Variants in RARB observed in about 807,000 individuals in gnomAD.
The protein encoded by RARB is HBV-activated protein.
Under a neutral mutation model 51.9 loss-of-function variants are expected in RARB, and 17 were observed. The observed-to-expected ratio is 0.33, with a 90% CI of 0.22 to 0.49. The LOEUF (loss-of-function observed/expected upper bound fraction) is 0.49, where lower values mean the gene tolerates loss of function less well. Among genes scored for constraint, RARB ranks in the 20% least tolerant of loss-of-function variants. The probability of loss-of-function intolerance (pLI) is 0.99; values close to 1 mark genes in which losing one functional copy is unlikely to be tolerated. For missense variants in RARB, 369 were observed against 550.8 expected, an observed-to-expected ratio of 0.67 and a Z score of 3.30; for synonymous variants, 215 against 195.4, an observed-to-expected ratio of 1.10 and a Z score of -0.84.
chr3:25,189,585 T>G (rs1032882719), intron 5 of RARB, among the ~76,000 whole-genome samples: 7 of 151,754 alleles, frequency 4.6e-5, no homozygotes, highest in Non-Finnish European at 7.4e-5. Flanking sequence ...GACCCTGGAG[T>G]CAGAAAATCC....
At chr3:25,452,797 G>A (rs1559409913) in intron 1 of RARB, among the ~76,000 whole-genome samples, 1 of 152,138 alleles carries the variant, frequency 6.6e-6, no homozygotes, top group African/African-American at 2.4e-5. Flanking sequence ...ATGGTATGGG[G>A]GAAGGAGTAA....
intron 5 of RARB, among the ~76,000 whole-genome samples, chr3:25,339,879 C>A (rs1705178514): frequency 1.3e-5 from 2 of 152,122 alleles, no homozygotes; most frequent in Non-Finnish European, 2.9e-5. Flanking sequence ...CACAAAACTG[C>A]ATAAAACTTG....
At chr3:25,242,062 G>C (rs1310193546) in intron 5 of RARB, among the ~76,000 whole-genome samples, 1 of 152,204 alleles carries the variant, frequency 6.6e-6, no homozygotes, top group African/African-American at 2.4e-5. Context: ...CTAATGACCA[G>C]TGGATGAGCT....
intron 5 of RARB, among the ~76,000 whole-genome samples, chr3:25,399,971 C>T (rs771311138): frequency 3.1e-4 from 47 of 152,066 alleles, no homozygotes; most frequent in Non-Finnish European, 5.3e-4. Flanking sequence ...ACTTGCAAAA[C>T]GGGGATAAGA....
chr3:24,894,051 T>C (rs544686248), intron 2 of RARB, among the ~76,000 whole-genome samples: 60 of 152,322 alleles, frequency 3.9e-4, no homozygotes, highest in Admixed American at 1.8e-3. Flanking sequence ...ATTCAAATGA[T>C]TAGAAATTAT....
At position 25,111,962 on chromosome 3, in the gene RARB, C is replaced by CCT. The variant is rs570891028; in HGVS notation, c.-327-20198_-327-20197insTC. Among the ~76,000 whole-genome samples, 31 of 152,252 alleles carry CCT rather than the reference C, an allele frequency of 2.0e-4. No individual in the cohort carries two copies. In the South Asian group the frequency reaches 5.6e-3, roughly 27 times the overall value. On this transcript the variant is annotated intron_variant, in intron 3 of 11. Coordinates refer to the RARB transcript ENST00000383772. ...TGTTTTGAAGACATGCTTTGGAATG[C>CCT]CACATACACACCAACATCAATGTTT...
rs191767233 is a variant in RARB at position 25,450,379 on chromosome 3, T to C, written c.158-10814T>C. On this transcript the variant is annotated intron_variant, in intron 1 of 7. Coordinates refer to ENST00000330688, the MANE Select transcript of RARB (RefSeq NM_000965.5). The stretch of plus-strand genomic sequence containing the variant: ...TTTACAAAGTGTAAATCCTGCAATG[T>C]AGTAAGCGTGGTTGTCATCTCAATT... 9.2e-5 allele frequency among the ~76,000 whole-genome samples: 14 copies of C among 152,322 alleles called. No homozygotes were observed. In the East Asian group the frequency reaches 2.7e-3, roughly 29 times the overall value.
chr3:25,107,019 G>T (rs538176934), intron 3 of RARB, among the ~76,000 whole-genome samples: 158 of 152,126 alleles, frequency 1.0e-3, no homozygotes, highest in Non-Finnish European at 2.0e-3. Flanking sequence ...TCCTGCCTCA[G>T]CCTCCCGAAT....
intron 5 of RARB, among the ~76,000 whole-genome samples, chr3:25,367,804 A>AC (rs1420934560): frequency 2.0e-5 from 1 of 50,048 alleles, no homozygotes; most frequent in African/African-American, 6.2e-5. Context: ...ACCCTGTCAC[A>AC]AAAAAAAACA....
intron 2 of RARB, among the ~76,000 whole-genome samples, chr3:25,476,351 A>G (rs1271318920): frequency 1.3e-5 from 2 of 152,160 alleles, no homozygotes; most frequent in Non-Finnish European, 2.9e-5. Flanking sequence ...GCACTGGATA[A>G]AGGGTCCCCT....
chr3:25,565,078 A>G (rs773140431), intron 3 of RARB, among the ~76,000 whole-genome samples: 11 of 152,120 alleles, frequency 7.2e-5, no homozygotes, highest in Admixed American at 3.9e-4. Flanking sequence ...TGCCACACCC[A>G]GTAATACACA....
At chr3:24,898,144 T>TTG (rs1403763453) in intron 2 of RARB, among the ~76,000 whole-genome samples, 3 of 152,128 alleles carry the variant, frequency 2.0e-5, no homozygotes, top group Non-Finnish European at 4.4e-5. Context: ...CCACACATTG[T>TTG]TGGTGGCCTG....
intron 3 of RARB, among the ~76,000 whole-genome samples, chr3:25,543,339 T>C (rs1333699105): frequency 6.6e-6 from 1 of 152,078 alleles, no homozygotes; most frequent in Non-Finnish European, 1.5e-5. Flanking sequence ...CAGAAAGAAT[T>C]TTTTCCTAAA....
intron 3 of RARB, among the ~76,000 whole-genome samples, chr3:25,523,227 T>G (rs1348140150): frequency 6.6e-6 from 1 of 152,204 alleles, no homozygotes; most frequent in African/African-American, 2.4e-5. Flanking sequence ...AATGGTTCTC[T>G]GCCCTTGTTT....
intron 5 of RARB, among the ~76,000 whole-genome samples, chr3:25,220,218 A>G (rs1348910059): frequency 6.6e-6 from 1 of 152,216 alleles, no homozygotes; most frequent in African/African-American, 2.4e-5. Flanking sequence ...CCCTAACTGT[A>G]TGGTTCAGCA....
chr3:25,270,758 G>T (rs564360517), intron 5 of RARB, among the ~76,000 whole-genome samples: 1 of 152,300 alleles, frequency 6.6e-6, no homozygotes, highest in East Asian at 1.9e-4. Context: ...GTGCAGATGA[G>T]GAAAATGGAT....
chr3:25,265,940 A>G (rs1203042632), intron 5 of RARB, among the ~76,000 whole-genome samples: 4 of 152,118 alleles, frequency 2.6e-5, no homozygotes, highest in Non-Finnish European at 5.9e-5. Flanking sequence ...TCATTGGCTC[A>G]TGGCCCCAAT....
At chr3:25,100,698 G>A (rs572913219) in intron 3 of RARB, among the ~76,000 whole-genome samples, 2 of 152,242 alleles carry the variant, frequency 1.3e-5, no homozygotes, top group South Asian at 4.1e-4. Context: ...AGGCAAGTGG[G>A]AAGGCTCCAC....
intron 5 of RARB, among the ~76,000 whole-genome samples, chr3:25,351,782 A>G (rs1195973216): frequency 1.3e-5 from 2 of 152,134 alleles, no homozygotes; most frequent in Non-Finnish European, 2.9e-5. Context: ...TCACTGAAGT[A>G]TGGCTACTCT....
Sources: allele counts gnomAD v4.1 joint callset (sites outside exome capture counted in the v4.1 genomes callset), GRCh38; gene constraint gnomAD v4.1.1; transcripts MANE v1.5; gene names NCBI Gene and HGNC (gene_info 2026-07-23, HGNC 2026-07-21).